Variants in WASHC5 observed in about 807,000 individuals in gnomAD.
WASHC5 encodes WASH complex subunit 5, also known as WASH complex subunit strumpellin.
In WASHC5, 101 loss-of-function variants were observed where a neutral mutation model predicts 150.4. That is an observed-to-expected ratio of 0.67 (90% CI 0.57 to 0.79). The LOEUF (loss-of-function observed/expected upper bound fraction) is 0.79, where lower values mean the gene tolerates loss of function less well. Ranked by LOEUF, WASHC5 falls within the 30% of genes least tolerant of loss-of-function variation. The pLI is 0.00. For missense variants in WASHC5, 1,195 were observed against 1,396.3 expected, an observed-to-expected ratio of 0.86 and a Z score of 2.30; for synonymous variants, 467 against 491.2, an observed-to-expected ratio of 0.95 and a Z score of 0.65.
At chr8:125,041,003 G>A (rs1266035649) in intron 23 of WASHC5, among the ~76,000 whole-genome samples, 1 of 152,214 alleles carries the variant, frequency 6.6e-6, no homozygotes, top group African/African-American at 2.4e-5. Flanking sequence ...ACAAATCTGT[G>A]ATATAGAGTT....
intron 17 of WASHC5, among the ~76,000 whole-genome samples, chr8:125,052,293 C>A (rs534684078): frequency 3.0e-4 from 45 of 152,134 alleles, no homozygotes; most frequent in Non-Finnish European, 4.7e-4. Flanking sequence ...AGATCGCATG[C>A]GGCTCTTCTA....
chr8:125,078,683 A>C (rs560823889), intron 6 of WASHC5, 55 bp downstream of exon 6: 91 of 1,345,570 alleles, frequency 6.8e-5, no homozygotes, highest in South Asian at 2.2e-4. Flanking sequence ...TAAAGAGGGA[A>C]GTGAAATCAG....
In WASHC5 at chr8:125,036,651, G is replaced by T. The variant is rs190507035; in HGVS notation, c.3181+586C>A. Among the ~76,000 whole-genome samples, 31 of 143,518 alleles carry T rather than the reference G, an allele frequency of 2.2e-4. 1 individual carries two copies. The highest frequency in any genetic ancestry group is 8.7e-4 in the African/African-American group (29 of 33,486). 94.2% of individuals were successfully genotyped at this position (143,518 alleles called of 152,430 possible). A position where few individuals can be genotyped will look rare whatever the true frequency, so the allele number is the denominator to read the frequency against. ...TGTGCCACTGTACTCCCATCTGAGTGACTGAGTGAGACCTTGTCTCAAAAA... is the reference window on the plus strand; with the variant it reads ...TGTGCCACTGTACTCCCATCTGAGTTACTGAGTGAGACCTTGTCTCAAAAA... On this transcript the variant is annotated intron_variant, in intron 26 of 28. Transcript: ENST00000318410.
chr8:125,076,300 AGTTCT>A, intron 7 of WASHC5, 43 bp downstream of exon 7: 1 of 1,561,164 alleles, frequency 6.4e-7, no homozygotes, highest in Non-Finnish European at 8.8e-7. Flanking sequence ...ATGGGAAGTT[AGTTCT>A]CTAACACATT....
chr8:125,056,682 A>C lies in WASHC5; in HGVS notation c.2011T>G (p.Tyr671Asp). The stretch of plus-strand genomic sequence containing the variant: ...AAGTCAGAGGGACACAGCACCTCGT[A>C]TCGTGGGCCTAGCTGAGCATAGTCC... ...LRDYAQLGPR[Y>D]EVAKLTHAIS... Residue 671 changes from tyrosine to aspartate, a missense_variant, in exon 16 of 29, where the codon TAC (tyrosine) becomes GAC (aspartate). This residue lies in a region of WASHC5 where 997 missense variants were observed against 1,168.1 expected (regional missense o/e 0.85). Transcript: ENST00000318410. 6.2e-7 allele frequency: 1 copy of C among 1,614,132 alleles called. No homozygotes were observed. The highest frequency in any genetic ancestry group is 8.5e-7 in the Non-Finnish European group (1 of 1,179,984).
chr8:125,063,071 A>C (rs1301466585), intron 11 of WASHC5, among the ~76,000 whole-genome samples: 1 of 152,162 alleles, frequency 6.6e-6, no homozygotes, highest in African/African-American at 2.4e-5. Context: ...GAAGAATTTT[A>C]GATATCATCT....
chr8:125,028,587 T>C, intron 28 of WASHC5, 33 bp downstream of exon 28: 1 of 1,463,146 alleles, frequency 6.8e-7, no homozygotes, highest in Non-Finnish European at 9.6e-7. Flanking sequence ...TTTTTACAAC[T>C]ATTAATATTG....
At position 125,044,637 on chromosome 8, in the gene WASHC5, T is replaced by C. The variant is rs997694272; in HGVS notation, c.2566A>G (p.Thr856Ala). 3.7e-6 allele frequency: 6 copies of C among 1,613,998 alleles called. No homozygotes were observed. The African/African-American group carries it at 8.0e-5, about 22-fold the overall frequency. ...WYDMKTHQEV[T>A]SSRLFSEIQT... The stretch of plus-strand genomic sequence containing the variant: ...ATTTCTGAGAAGAGGCGGCTGCTGG[T>C]CACTTCCTGATGAGTTTTCATATCA... The change falls in exon 21 of 29, where the codon ACC (threonine) becomes GCC (alanine). Residue 856 changes from threonine (T) to alanine (A), a missense_variant. Physicochemically the swap from Thr to Ala is moderately conservative, Grantham distance 58. Coordinates refer to ENST00000318410, the MANE Select transcript of WASHC5 (RefSeq NM_014846.4).
chr8:125,053,074 T>C (rs1306445307), intron 17 of WASHC5, among the ~76,000 whole-genome samples: 1 of 151,842 alleles, frequency 6.6e-6, no homozygotes, highest in African/African-American at 2.4e-5. Context: ...TGAAGTTGAA[T>C]CATTTTAAGT....
At chr8:125,048,623 C>G (rs1484223180) in intron 19 of WASHC5, among the ~76,000 whole-genome samples, 1 of 152,194 alleles carries the variant, frequency 6.6e-6, no homozygotes, top group East Asian at 1.9e-4. Context: ...CCGTGGAACA[C>G]AGTTTGGCAG....
chr8:125,083,907 G>A lies in WASHC5; in HGVS notation c.-9C>T, dbSNP rs187822596. 1.2e-4 allele frequency: 195 copies of A among 1,612,646 alleles called. No individual in the cohort carries two copies. In the East Asian group the frequency reaches 1.8e-3, roughly 15 times the overall value. On this transcript the variant is annotated 5_prime_UTR_variant, in exon 2 of 29. Coordinates refer to ENST00000318410, the MANE Select transcript of WASHC5 (RefSeq NM_014846.4). ...GCTAGAAAGTCCAACATTGTGAGGCGGACCGACTACTCTGTGCCTGGACAC... is the reference window on the plus strand; with the variant it reads ...GCTAGAAAGTCCAACATTGTGAGGCAGACCGACTACTCTGTGCCTGGACAC...
In WASHC5 at chr8:125,052,592, A is replaced by G. The variant is rs868426003; in HGVS notation, c.2098-1927T>C. On this transcript the variant is annotated intron_variant, in intron 17 of 28. Transcript: ENST00000318410. ...TACATATATACACATAGTTGCATGC[A>G]TGTATATCACACACACTACACACAC... Among the ~76,000 whole-genome samples, 12 of 142,788 alleles carry G rather than the reference A, an allele frequency of 8.4e-5. 1 individual carries two copies. In the South Asian group the frequency reaches 1.6e-3, roughly 19 times the overall value. 93.7% of individuals were successfully genotyped at this position (142,788 alleles called of 152,430 possible). A position where few individuals can be genotyped will look rare whatever the true frequency, so the allele number is the denominator to read the frequency against.
At chr8:125,046,052 T>C (rs1186551285) in intron 20 of WASHC5, among the ~76,000 whole-genome samples, 1 of 152,204 alleles carries the variant, frequency 6.6e-6, no homozygotes, top group Non-Finnish European at 1.5e-5. Context: ...TTCACAAGTT[T>C]CGAAGGACAA....
chr8:125,036,824 A>G (rs2129981410), intron 26 of WASHC5, among the ~76,000 whole-genome samples: 2 of 152,316 alleles, frequency 1.3e-5, no homozygotes, highest in East Asian at 3.9e-4. Flanking sequence ...AGCCTGGTTA[A>G]CATGGTGAAA....
Position 125,043,910 on chromosome 8 carries a change from A to G in WASHC5, c.2771-6T>C. The G allele has an allele frequency of 6.2e-7, 1 of 1,610,598 alleles. No individual in the cohort carries two copies. The highest frequency in any genetic ancestry group is 8.5e-7 in the Non-Finnish European group (1 of 1,176,822). On this transcript the variant is annotated splice_polypyrimidine_tract_variant and splice_region_variant and intron_variant, in intron 22 of 28. Coordinates refer to ENST00000318410, the MANE Select transcript of WASHC5 (RefSeq NM_014846.4). ...ATAAATTTTATTTGAATTTGCTGAA[A>G]AGTTAAAACATAATTTTCTCTTTAG...
intron 19 of WASHC5, among the ~76,000 whole-genome samples, chr8:125,047,734 T>G (rs936796485): frequency 6.6e-6 from 1 of 152,116 alleles, no homozygotes; most frequent in Non-Finnish European, 1.5e-5. Context: ...CAGGTCTGGC[T>G]AATTTTTGTG....
chr8:125,039,417 A>C (rs543733968), intron 24 of WASHC5, among the ~76,000 whole-genome samples: 4 of 152,286 alleles, frequency 2.6e-5, no homozygotes, highest in African/African-American at 9.6e-5. Flanking sequence ...CAGCCCTGTA[A>C]AAAGCCAGTT....
At chr8:125,083,018 T>C (rs925106043) in intron 3 of WASHC5, 95 bp downstream of exon 3, 40 of 825,896 alleles carry the variant, frequency 4.8e-5, no homozygotes, top group Non-Finnish European at 6.5e-5. Flanking sequence ...TTAGGAAATT[T>C]TGTAGTAACT....
intron 19 of WASHC5, among the ~76,000 whole-genome samples, chr8:125,048,398 T>A (rs573541977): frequency 1.3e-5 from 2 of 152,218 alleles, no homozygotes; most frequent in African/African-American, 4.8e-5. Context: ...AAAGGACTTT[T>A]ATGCACATTT....
Sources: allele counts gnomAD v4.1 joint callset (sites outside exome capture counted in the v4.1 genomes callset), GRCh38; gene constraint gnomAD v4.1.1; regional missense constraint gnomAD v4.1.1; transcripts MANE v1.5; gene names NCBI Gene and HGNC (gene_info 2026-07-23, HGNC 2026-07-21).